KIAA0825: variants seen among roughly 807,000 people sequenced by gnomAD.
KIAA0825 encodes the protein uncharacterized protein KIAA0825.
In KIAA0825, 119 loss-of-function variants were observed where a neutral mutation model predicts 147.6. The observed-to-expected ratio is 0.81, with a 90% CI of 0.69 to 0.94. The LOEUF is 0.94. Among genes scored for constraint, KIAA0825 ranks in the 40% least tolerant of loss-of-function variants. KIAA0825 has a pLI of 0.00. For synonymous variants in KIAA0825, 470 were observed against 518.1 expected (o/e 0.91, Z 1.26); for missense variants, 1,381 against 1,472.7 (o/e 0.94, Z 1.02).
At chr5:94,486,781 T>A (rs1440748464) in intron 5 of KIAA0825, among the ~76,000 whole-genome samples, 3 of 152,160 alleles carry the variant, frequency 2.0e-5, no homozygotes, top group Non-Finnish European at 2.9e-5. Context: ...TCCCATTTGG[T>A]CTATTTGACT....
Position 94,549,187 on chromosome 5 carries a change from C to T in KIAA0825, c.-1-12060G>A, listed in dbSNP as rs139832602. Among the ~76,000 whole-genome samples, 839 of 152,080 alleles carry T rather than the reference C, an allele frequency of 5.5e-3. 5 individuals carry two copies. Among genetic ancestry groups the T allele is most frequent in the Middle Eastern group, 0.014 (4 of 292 alleles). On this transcript the variant is annotated intron_variant, in intron 2 of 20. Transcript: ENST00000682413. Reference sequence around the variant, plus strand: ...AGATCATTCTTAAGGAAAGACCATACGGTAGGTCACAAAACAAGGCTTAAA... The same window carrying T: ...AGATCATTCTTAAGGAAAGACCATATGGTAGGTCACAAAACAAGGCTTAAA...
At chr5:94,163,599 G>A (rs1767770546) in intron 20 of KIAA0825, among the ~76,000 whole-genome samples, 1 of 152,094 alleles carries the variant, frequency 6.6e-6, no homozygotes, top group Admixed American at 6.5e-5. Flanking sequence ...TTAATTCTGA[G>A]AAACTGTATA....
In KIAA0825 at chr5:94,520,358, A is replaced by C; in HGVS notation, c.860T>G (p.Met287Arg). The C allele has an allele frequency of 6.2e-7, 1 of 1,613,492 alleles. No homozygotes were observed. The change falls in exon 5 of 21, where the codon ATG becomes AGG. Residue 287 changes from methionine (M) to arginine (R), a missense_variant. Coordinates refer to ENST00000682413, the MANE Select transcript of KIAA0825 (RefSeq NM_001145678.3). Reference sequence around the variant, plus strand: ...ACAAAAATTTTCAAGAAATTTTGCCATTTCTTCTGTAACAGTATCCAGGTA... The same window carrying C: ...ACAAAAATTTTCAAGAAATTTTGCCCTTTCTTCTGTAACAGTATCCAGGTA... Reference protein sequence around the residue: ...ETYLDTVTEEMAKFLENFCEL... With the variant: ...ETYLDTVTEERAKFLENFCEL...
chr5:94,193,132 G>A (rs1770827069), intron 20 of KIAA0825, among the ~76,000 whole-genome samples: 1 of 152,136 alleles, frequency 6.6e-6, no homozygotes, highest in South Asian at 2.1e-4. Flanking sequence ...AGCTTAGCTA[G>A]GTGAAAGAAA....
At chr5:94,612,727 C>G (rs1330715335) in intron 1 of KIAA0825, among the ~76,000 whole-genome samples, 1 of 152,120 alleles carries the variant, frequency 6.6e-6, no homozygotes, top group Admixed American at 6.6e-5. Flanking sequence ...AATAATGAAA[C>G]AGTGGAAAAG....
chr5:94,578,146 A>C (rs1418243993), intron 2 of KIAA0825, among the ~76,000 whole-genome samples: 1 of 152,242 alleles, frequency 6.6e-6, no homozygotes, highest in African/African-American at 2.4e-5. Context: ...TCTTGCCAAT[A>C]GATAGCCAAG....
At chr5:94,498,412 G>A (rs1451122767) in intron 5 of KIAA0825, among the ~76,000 whole-genome samples, 1 of 152,144 alleles carries the variant, frequency 6.6e-6, no homozygotes, top group African/African-American at 2.4e-5. Flanking sequence ...TGGAGAAACT[G>A]GTCAGAGTGA....
intron 2 of KIAA0825, among the ~76,000 whole-genome samples, chr5:94,557,763 A>C (rs1226709217): frequency 6.6e-6 from 1 of 152,230 alleles, no homozygotes; most frequent in Non-Finnish European, 1.5e-5. Context: ...CCAGGCATTC[A>C]GCCAGCAATG....
chr5:94,436,972 T>C (rs896389082), intron 14 of KIAA0825, among the ~76,000 whole-genome samples: 6 of 152,176 alleles, frequency 3.9e-5, no homozygotes, highest in Non-Finnish European at 5.9e-5. Flanking sequence ...TGATTTTGTA[T>C]CCTAAGACTT....
At chr5:94,179,062 G>A (rs571635032) in intron 20 of KIAA0825, among the ~76,000 whole-genome samples, 121 of 152,148 alleles carry the variant, frequency 8.0e-4, no homozygotes, top group African/African-American at 2.9e-3. Context: ...CATTTTACAT[G>A]ATATTCTTAA....
At chr5:94,437,488 C>G (rs1381957962) in intron 14 of KIAA0825, among the ~76,000 whole-genome samples, 2 of 152,114 alleles carry the variant, frequency 1.3e-5, no homozygotes, top group Non-Finnish European at 2.9e-5. Context: ...CTGCTGTACT[C>G]CATAAGAACC....
rs146402423 is a variant in KIAA0825, at chr5:94,546,020, G to A, written c.-1-8893C>T. 2.5e-4 allele frequency among the ~76,000 whole-genome samples: 38 copies of A among 152,210 alleles called. No homozygotes were observed. In the East Asian group the frequency reaches 5.2e-3, roughly 21 times the overall value. On this transcript the variant is annotated intron_variant, in intron 2 of 20. Coordinates refer to ENST00000682413, the MANE Select transcript of KIAA0825 (RefSeq NM_001145678.3). ...GAGTCTCATGCCTGGCAACATTCAC[G>A]ACAAGCTGACTGACTGAAGAGCCCT...
chr5:94,198,044 A>C (rs1451070584), intron 20 of KIAA0825, among the ~76,000 whole-genome samples: 1 of 152,132 alleles, frequency 6.6e-6, no homozygotes, highest in East Asian at 1.9e-4. Flanking sequence ...TTAAGTCTGA[A>C]AATTACTTTG....
At chr5:94,290,904 T>C (rs367631702) in intron 20 of KIAA0825, among the ~76,000 whole-genome samples, 1 of 151,952 alleles carries the variant, frequency 6.6e-6, no homozygotes, top group Non-Finnish European at 1.5e-5. Flanking sequence ...CTTTTTTTCA[T>C]ATGTTTCTTG....
At chr5:94,204,945 G>GA (rs1372057692) in intron 20 of KIAA0825, among the ~76,000 whole-genome samples, 1 of 151,770 alleles carries the variant, frequency 6.6e-6, no homozygotes, top group Non-Finnish European at 1.5e-5. Context: ...GATAATCAAA[G>GA]AAAAAAATGA....
chr5:94,374,223 G>C (rs1188182750), intron 20 of KIAA0825, among the ~76,000 whole-genome samples: 2 of 152,162 alleles, frequency 1.3e-5, no homozygotes, highest in Non-Finnish European at 2.9e-5. Context: ...GGTTCAATCT[G>C]ACAAGCAAAA....
chr5:94,396,659 G>T, intron 16 of KIAA0825, 150 bp from the exon 17 acceptor site: 1 of 521,814 alleles, frequency 1.9e-6, no homozygotes, highest in Non-Finnish European at 3.3e-6. Context: ...TCTAACCGGG[G>T]TCTCTCGCAG....
intron 20 of KIAA0825, among the ~76,000 whole-genome samples, chr5:94,183,669 T>A (rs1182949860): frequency 6.6e-6 from 1 of 152,162 alleles, no homozygotes; most frequent in Non-Finnish European, 1.5e-5. Flanking sequence ...ATAAAAATCC[T>A]AAATGACAGA....
chr5:94,364,509 G>T (rs551494979), intron 20 of KIAA0825, among the ~76,000 whole-genome samples: 2 of 151,946 alleles, frequency 1.3e-5, no homozygotes, highest in Non-Finnish European at 1.5e-5. Flanking sequence ...AGCCTCCCGA[G>T]TAGCTGGGAC....
Sources: gnomAD v4.1 joint callset for allele counts (sites outside exome capture counted in the v4.1 genomes callset) on GRCh38, gnomAD v4.1.1 for gene constraint, MANE v1.5 for transcripts, NCBI Gene and HGNC (gene_info 2026-07-23, HGNC 2026-07-21) for gene names.